The following P2RY8 variants were observed in gnomAD, a reference collection of about 807,000 sequenced individuals.
P2RY8 encodes the protein S-geranylgeranyl-glutathione receptor P2RY8.
Under a neutral mutation model 10.0 loss-of-function variants are expected in P2RY8, and 6 were observed. The observed-to-expected ratio is 0.60, with a 90% CI of 0.33 to 1.19. The LOEUF (loss-of-function observed/expected upper bound fraction) is 1.19. Among genes scored for constraint, P2RY8 ranks in the 50% most tolerant of loss-of-function variants. P2RY8 has a pLI of 0.04. For missense variants in P2RY8, 456 were observed against 542.0 expected, an observed-to-expected ratio of 0.84 and a Z score of 1.58; for synonymous variants, 276 against 252.5, an observed-to-expected ratio of 1.09 and a Z score of -0.88.
At chrX:1,482,531 C>G (rs1353832332) in intron 1 of P2RY8, among the ~76,000 whole-genome samples, 1 of 152,100 alleles carries the variant, frequency 6.6e-6, no homozygotes, top group Non-Finnish European at 1.5e-5. Flanking sequence ...GATCGTTGCT[C>G]TAGACATGAA....
In P2RY8 at chrX:1,466,632, G is replaced by A. The variant is rs1409137780; in HGVS notation, c.-24-50C>T. On this transcript the variant is annotated intron_variant, in intron 1 of 1. Transcript: ENST00000381297. Reference sequence around the variant, plus strand: ...TACGGGTCAGGGGCGCAGGTAAAGAGGCGGCTGCCGGGAGGGCTCCTGAGC... The same window carrying A: ...TACGGGTCAGGGGCGCAGGTAAAGAAGCGGCTGCCGGGAGGGCTCCTGAGC... 8 of 1,512,558 alleles carry A rather than the reference G, an allele frequency of 5.3e-6. No individual in the cohort carries two copies. The Admixed American group carries it at 8.0e-5, about 15-fold the overall frequency. 93.7% of individuals were successfully genotyped at this position (1,512,558 alleles called of 1,614,324 possible).
chrX:1,533,426 TTA>T (rs1190272536), intron 1 of P2RY8, among the ~76,000 whole-genome samples: 1 of 144,836 alleles, frequency 6.9e-6, no homozygotes, highest in Admixed American at 7.0e-5. Flanking sequence ...TATTATATAT[TTA>T]TATATTTATT....
chrX:1,518,155 G>C, intron 1 of P2RY8, among the ~76,000 whole-genome samples: 1 of 150,622 alleles, frequency 6.6e-6, no homozygotes, highest in Non-Finnish European at 1.5e-5. Flanking sequence ...GCCGGGCGCG[G>C]TGGCTCACGC....
intron 1 of P2RY8, among the ~76,000 whole-genome samples, chrX:1,530,817 TA>T (rs1473694934): frequency 4.0e-5 from 6 of 151,814 alleles, no homozygotes; most frequent in African/African-American, 1.4e-4. Context: ...TCTATATATC[TA>T]TCTGTCTATC....
chrX:1,477,539 C>T (rs6644707), intron 1 of P2RY8, among the ~76,000 whole-genome samples: 79,994 of 151,390 alleles, frequency 0.53, 21,289 homozygotes, highest in South Asian at 0.65. Context: ...ATCACATATA[C>T]GTGTTCATCA....
Position 1,474,890 on chromosome X carries a change from A to T in P2RY8, c.-24-8308T>A, listed in dbSNP as rs755455127. The stretch of plus-strand genomic sequence containing the variant: ...GGTGTATGGGTGTGTGGATGGATGG[A>T]TGGATGGATGGATGGATAAGTGGGT... On this transcript the variant is annotated intron_variant, in intron 1 of 1. Transcript: ENST00000381297. 7.8e-5 allele frequency among the ~76,000 whole-genome samples: 11 copies of T among 141,098 alleles called. No homozygotes were observed. In the East Asian group the frequency reaches 1.3e-3, roughly 16 times the overall value. The allele number at this position is 141,098 out of a possible 152,430, so 92.6% of individuals were successfully genotyped here.
intron 1 of P2RY8, among the ~76,000 whole-genome samples, chrX:1,517,175 C>T (rs1410235273): frequency 4.0e-5 from 6 of 151,670 alleles, no homozygotes; most frequent in Non-Finnish European, 8.8e-5. Context: ...CTAAGCCACC[C>T]AGTCTATGGT....
chrX:1,512,948 A>G (rs767599150), intron 1 of P2RY8, among the ~76,000 whole-genome samples: 40 of 152,026 alleles, frequency 2.6e-4, no homozygotes, highest in African/African-American at 9.4e-4. Context: ...GGTTTGCTGC[A>G]CCTGTCAACC....
chrX:1,533,091 T>C lies in P2RY8; in HGVS notation c.-25+3830A>G, dbSNP rs139810098. Among the ~76,000 whole-genome samples, 564 of 143,842 alleles carry C rather than the reference T, an allele frequency of 3.9e-3. 3 individuals carry two copies. The highest frequency in any genetic ancestry group is 0.013 in the African/African-American group (482 of 38,424). 94.4% of individuals were successfully genotyped at this position (143,842 alleles called of 152,430 possible). A position where few individuals can be genotyped will look rare whatever the true frequency, so the allele number is the denominator to read the frequency against. On this transcript the variant is annotated intron_variant, in intron 1 of 1. Transcript: ENST00000381297. ...GACTTTGGGAACTCCAGGGCAAAGA[T>C]TGGGGAGAGGATGAGGGATAAAAGG...
At chrX:1,503,863 C>A (rs1381470359) in intron 1 of P2RY8, among the ~76,000 whole-genome samples, 1 of 151,738 alleles carries the variant, frequency 6.6e-6, no homozygotes, top group Non-Finnish European at 1.5e-5. Flanking sequence ...CCACTGTACT[C>A]CAGCCTGGGT....
At chrX:1,500,226 CTG>C (rs1463843249) in intron 1 of P2RY8, among the ~76,000 whole-genome samples, 1 of 151,584 alleles carries the variant, frequency 6.6e-6, no homozygotes, top group African/African-American at 2.4e-5. Flanking sequence ...TAATTTCTAA[CTG>C]TTTTATTCTT....
At chrX:1,519,062 A>G (rs1322800100) in intron 1 of P2RY8, among the ~76,000 whole-genome samples, 6 of 145,786 alleles carry the variant, frequency 4.1e-5, no homozygotes, top group Non-Finnish European at 1.5e-5. Flanking sequence ...CTGATCCCCA[A>G]TATTCCTCTG....
intron 1 of P2RY8, among the ~76,000 whole-genome samples, chrX:1,497,087 T>TGGC (rs2092124184): frequency 6.7e-6 from 1 of 150,056 alleles, no homozygotes; most frequent in African/African-American, 2.4e-5. Flanking sequence ...GGCGTGGTGG[T>TGGC]GGCGGGTGCC....
chrX:1,521,123 C>A (rs1173178811), intron 1 of P2RY8, among the ~76,000 whole-genome samples: 1 of 146,992 alleles, frequency 6.8e-6, no homozygotes, highest in African/African-American at 2.5e-5. Flanking sequence ...CAGCCTCCAA[C>A]TCTCTGGTTC....
intron 1 of P2RY8, among the ~76,000 whole-genome samples, chrX:1,515,037 T>C (rs2149406058): frequency 6.8e-6 from 1 of 147,904 alleles, no homozygotes; most frequent in East Asian, 2.0e-4. Context: ...CCGAGTAGAG[T>C]AGCTGGGATT....
At chrX:1,529,903 G>A (rs1276870522) in intron 1 of P2RY8, among the ~76,000 whole-genome samples, 1 of 151,834 alleles carries the variant, frequency 6.6e-6, no homozygotes, top group African/African-American at 2.4e-5. Context: ...AGTTCTGGTT[G>A]TCGCAACTGT....
intron 1 of P2RY8, among the ~76,000 whole-genome samples, chrX:1,524,122 T>C (rs2092412290): frequency 6.6e-6 from 1 of 152,170 alleles, no homozygotes. Context: ...CGTTCCTGTT[T>C]GATTTTCTCA....
At chrX:1,521,409 T>C (rs1408788753) in intron 1 of P2RY8, among the ~76,000 whole-genome samples, 2 of 149,174 alleles carry the variant, frequency 1.3e-5, no homozygotes, top group South Asian at 4.2e-4. Context: ...CCCAATATTC[T>C]CTCTGATCCA....
intron 1 of P2RY8, among the ~76,000 whole-genome samples, chrX:1,535,722 C>CAG (rs1181183323): frequency 5.1e-4 from 31 of 61,330 alleles, no homozygotes; most frequent in South Asian, 1.1e-3. Flanking sequence ...CACAGACACA[C>CAG]ACACAGACAC....
Sources: allele counts gnomAD v4.1 joint callset (sites outside exome capture counted in the v4.1 genomes callset), GRCh38; gene constraint gnomAD v4.1.1; transcripts MANE v1.5; gene names NCBI Gene and HGNC (gene_info 2026-07-23, HGNC 2026-07-21).